Variants in MAP9 observed in about 807,000 individuals in gnomAD.
The protein encoded by MAP9 is microtubule associated protein 9, also known as microtubule-associated protein 9.
A neutral mutation model predicts 75.2 loss-of-function variants in MAP9; 80 were observed. The ratio of observed to expected loss-of-function variants is 1.06; its 90% CI spans 0.89 to 1.28. The LOEUF (loss-of-function observed/expected upper bound fraction) is 1.28, where lower values mean the gene tolerates loss of function less well. Ranked by LOEUF, MAP9 falls within the 50% of genes most tolerant of loss-of-function variation. MAP9 has a pLI of 0.00. For missense variants in MAP9, 753 were observed against 719.9 expected, an observed-to-expected ratio of 1.05 and a Z score of -0.53; for synonymous variants, 235 against 237.3, an observed-to-expected ratio of 0.99 and a Z score of 0.09.
intron 3 of MAP9, among the ~76,000 whole-genome samples, chr4:155,374,326 G>A (rs1239766745): frequency 4.3e-5 from 6 of 138,894 alleles, no homozygotes; most frequent in East Asian, 2.2e-4. Flanking sequence ...GCAACTGAGC[G>A]AGACTCCATC....
rs1198777574 is a variant in MAP9 at position 155,345,312 on chromosome 4, A to C, written c.*2471T>G. On this transcript the variant is annotated 3_prime_UTR_variant, in exon 14 of 14. Coordinates refer to ENST00000311277, the MANE Select transcript of MAP9 (RefSeq NM_001039580.2). ...GTTATTTATCATAGTAAGACAAAAA[A>C]AATTTGAAGTGAATGACTTGTTGGG... is the stretch of plus-strand genomic sequence containing the variant. 6.6e-6 allele frequency: 1 copy of C among 152,064 alleles called. No individual in the cohort carries two copies. Among genetic ancestry groups the C allele is most frequent in the Non-Finnish European group, 1.5e-5 (1 of 67,952 alleles). The allele number at this position is 152,064 out of a possible 1,614,324, so 9.4% of individuals were successfully genotyped here. A position where few individuals can be genotyped will look rare whatever the true frequency, so the allele number is the denominator to read the frequency against.
rs1731192384 is a variant in MAP9 at position 155,343,816 on chromosome 4, A to G, written c.*3967T>C. 1 of 151,968 alleles carries G rather than the reference A, an allele frequency of 6.6e-6. No individual in the cohort carries two copies. 9.4% of individuals were successfully genotyped at this position (151,968 alleles called of 1,614,324 possible). On this transcript the variant is annotated 3_prime_UTR_variant, in exon 14 of 14. Coordinates refer to ENST00000311277, the MANE Select transcript of MAP9 (RefSeq NM_001039580.2). ...AGTTAACATTATACAATTACATGTA[A>G]TATACATATTCAAAATGGCATAATC... is the stretch of plus-strand genomic sequence containing the variant.
At chr4:155,370,586 T>A (rs1351530979) in intron 4 of MAP9, among the ~76,000 whole-genome samples, 1 of 152,186 alleles carries the variant, frequency 6.6e-6, no homozygotes, top group Non-Finnish European at 1.5e-5. Context: ...AATGCTTGCA[T>A]GTCTTTTGAG....
In MAP9 at chr4:155,343,870, A is replaced by G. The variant is rs1447708985; in HGVS notation, c.*3913T>C. On this transcript the variant is annotated 3_prime_UTR_variant, in exon 14 of 14. Coordinates refer to ENST00000311277, the MANE Select transcript of MAP9 (RefSeq NM_001039580.2). ...TGAAATTTTAAAGTAAAAATAACTC[A>G]GAGAAACTTCCAGTTTAACATTTAC... 1.3e-5 allele frequency: 2 copies of G among 152,114 alleles called. No homozygotes were observed. The highest frequency in any genetic ancestry group is 2.9e-5 in the Non-Finnish European group (2 of 67,844). The allele number at this position is 152,114 out of a possible 1,614,324, so 9.4% of individuals were successfully genotyped here.
rs970375380 is a variant in MAP9, at chr4:155,376,755, G to T, written c.-65+16C>A. The stretch of plus-strand genomic sequence containing the variant: ...CCTGAGAATCAAGAGCCAAGCATCG[G>T]GTAGGAGCTGCTCACCTTGGTCTGG... On this transcript the variant is annotated intron_variant, in intron 1 of 13. Coordinates refer to ENST00000311277, the MANE Select transcript of MAP9 (RefSeq NM_001039580.2). 3.9e-5 allele frequency: 6 copies of T among 153,052 alleles called. No homozygotes were observed. The highest frequency in any genetic ancestry group is 1.2e-4 in the African/African-American group (5 of 41,478). The allele number at this position is 153,052 out of a possible 1,614,324, so 9.5% of individuals were successfully genotyped here.
intron 13 of MAP9, 164 bp downstream of exon 13, chr4:155,352,432 T>A: frequency 1.6e-6 from 1 of 642,142 alleles, no homozygotes; most frequent in South Asian, 1.8e-5. Flanking sequence ...AATGACTAAG[T>A]CAAAGAAAAT....
chr4:155,368,586 C>T lies in MAP9; in HGVS notation c.708G>A (p.Glu236=). 1 of 1,611,562 alleles carries T rather than the reference C, an allele frequency of 6.2e-7. No individual in the cohort carries two copies. The highest frequency in any genetic ancestry group is 8.5e-7 in the Non-Finnish European group (1 of 1,177,674). Residue 236 remains glutamate (E), a splice_region_variant and synonymous_variant, in exon 5 of 14, where the codon GAG becomes GAA. Coordinates refer to ENST00000311277, the MANE Select transcript of MAP9 (RefSeq NM_001039580.2). ...KKAFSENLDP[E]DSCLTSLASS... Reference sequence around the variant, plus strand: ...TCAACAGTTTAGTGGTAGTGCTAACCTCAGGATCAAGGTTTTCAGAGAATG... The same window carrying T: ...TCAACAGTTTAGTGGTAGTGCTAACTTCAGGATCAAGGTTTTCAGAGAATG...
At position 155,353,200 on chromosome 4, in the gene MAP9, T is replaced by G; in HGVS notation, c.1521A>C (p.Ala507=). Residue 507 remains alanine, a synonymous_variant, in exon 11 of 14, where the codon GCA becomes GCC. Coordinates refer to ENST00000311277, the MANE Select transcript of MAP9 (RefSeq NM_001039580.2). ...NKKKTEEENA[A]RKGEALQAFE... is the part of the protein sequence containing the mutation. ...ATACTTGTAGTGCTTCTCCTTTTCT[T>G]GCAGCATTTTCTTCTTCAGTTTTCT... 6.3e-7 allele frequency: 1 copy of G among 1,596,488 alleles called. No homozygotes were observed. Among genetic ancestry groups the G allele is most frequent in the Non-Finnish European group, 8.5e-7 (1 of 1,173,858 alleles).
chr4:155,351,563 C>T (rs1353779879), intron 13 of MAP9, among the ~76,000 whole-genome samples: 1 of 150,808 alleles, frequency 6.6e-6, no homozygotes, highest in African/African-American at 2.4e-5. Flanking sequence ...ATTTGCAACC[C>T]ATATAAAAAA....
chr4:155,355,222 T>TATATTAAC, intron 9 of MAP9, 62 bp from the exon 10 acceptor site: 1 of 516,778 alleles, frequency 1.9e-6, no homozygotes, highest in Non-Finnish European at 3.2e-6. Context: ...TAGAATTCTT[T>TATATTAAC]ATATTAACAT....
chr4:155,366,219 CATG>C (rs1285327825), intron 5 of MAP9, among the ~76,000 whole-genome samples: 1 of 151,906 alleles, frequency 6.6e-6, no homozygotes, highest in Non-Finnish European at 1.5e-5. Flanking sequence ...ATTAGCCAGG[CATG>C]GTGGTGGGTG....
chr4:155,356,399 C>T (rs1195127403), intron 8 of MAP9, among the ~76,000 whole-genome samples: 1 of 151,452 alleles, frequency 6.6e-6, no homozygotes, highest in Non-Finnish European at 1.5e-5. Context: ...TAAATATGTC[C>T]CCTTCAACAT....
In MAP9 at chr4:155,353,309, G is replaced by A; in HGVS notation, c.1412C>T (p.Ala471Val). Residue 471 changes from alanine to valine, a missense_variant, in exon 11 of 14, where the codon GCA becomes GTA. Ala to Val is a moderately conservative substitution (Grantham distance 64, BLOSUM62 0). Coordinates refer to ENST00000311277, the MANE Select transcript of MAP9 (RefSeq NM_001039580.2). ...KKAAKREEAL[A>V]SFEAWKAMKE... ...CATAGCCTTCCAGGCCTCAAATGAT[G>A]CTAATGCTTCTTCTCTTTTAGCAGC... 2 of 1,586,588 alleles carry A rather than the reference G, an allele frequency of 1.3e-6. No individual in the cohort carries two copies. Among genetic ancestry groups the A allele is most frequent in the Non-Finnish European group, 1.7e-6 (2 of 1,172,034 alleles).
chr4:155,360,172 G>GT lies in MAP9; in HGVS notation c.1045_1046insA (p.Ser349TyrfsTer6). 6.2e-7 allele frequency: 1 copy of GT among 1,608,582 alleles called. No homozygotes were observed. The highest frequency in any genetic ancestry group is 8.5e-7 in the Non-Finnish European group (1 of 1,175,938). On this transcript the variant is annotated frameshift_variant, in exon 7 of 14. Coordinates refer to ENST00000311277, the MANE Select transcript of MAP9 (RefSeq NM_001039580.2). LOFTEE classifies it high-confidence loss of function. ...AGTATGAATTTTTACAAATACCTTT[G>GT]AAGATGCTGTTGCACTGGTAGATAT...
intron 5 of MAP9, 169 bp from the exon 6 acceptor site, chr4:155,362,310 C>T: frequency 2.0e-6 from 1 of 500,406 alleles, no homozygotes; most frequent in Non-Finnish European, 3.5e-6. Flanking sequence ...TGGAGGTAAG[C>T]ATGCTTTACT....
intron 13 of MAP9, among the ~76,000 whole-genome samples, chr4:155,350,686 C>T (rs1201276006): frequency 1.3e-5 from 2 of 151,764 alleles, no homozygotes; most frequent in East Asian, 3.9e-4. Flanking sequence ...ATTTTGATTA[C>T]CTTATTTTAT....
chr4:155,362,983 G>A (rs1378177180), intron 5 of MAP9: 1 of 152,176 alleles, frequency 6.6e-6, no homozygotes. Context: ...TCCAGTCTAT[G>A]CAGCTCAAGT....
intron 7 of MAP9, among the ~76,000 whole-genome samples, chr4:155,358,246 G>T (rs1482889530): frequency 6.6e-6 from 1 of 152,176 alleles, no homozygotes; most frequent in Non-Finnish European, 1.5e-5. Context: ...CTACAATCCT[G>T]TCTATAAACT....
Position 155,362,029 on chromosome 4 carries a change from A to G in MAP9, c.802+19T>C. The G allele has an allele frequency of 7.0e-7, 1 of 1,430,154 alleles. No homozygotes were observed. The highest frequency in any genetic ancestry group is 9.8e-7 in the Non-Finnish European group (1 of 1,023,674). 88.6% of individuals were successfully genotyped at this position (1,430,154 alleles called of 1,614,324 possible). A position where few individuals can be genotyped will look rare whatever the true frequency, so the allele number is the denominator to read the frequency against. ...AGTACAGAGTTCACATATAAGATAT[A>G]ATTATTAGATATAACCACCTTTTCC... On this transcript the variant is annotated intron_variant, in intron 6 of 13. Transcript: ENST00000311277.
Sources: gnomAD v4.1 joint callset for allele counts (sites outside exome capture counted in the v4.1 genomes callset) on GRCh38, gnomAD v4.1.1 for gene constraint, MANE v1.5 for transcripts, NCBI Gene and HGNC (gene_info 2026-07-23, HGNC 2026-07-21) for gene names.